Variants in NPAS3 observed in about 807,000 individuals in gnomAD.
NPAS3 encodes the protein neuronal PAS domain-containing protein 3.
In NPAS3, 14 loss-of-function variants were observed where a neutral mutation model predicts 73.1. The observed-to-expected ratio is 0.19, with a 90% CI of 0.13 to 0.30. The LOEUF is 0.30. Ranked by LOEUF, NPAS3 falls within the 10% of genes least tolerant of loss-of-function variation. The pLI, the probability that NPAS3 is intolerant of heterozygous loss-of-function variation, is 1.00. For missense variants in NPAS3, 1,096 were observed against 1,250.0 expected (o/e 0.88, Z 1.86); for synonymous variants, 620 against 541.5 (o/e 1.14, Z -2.01).
intron 2 of NPAS3, among the ~76,000 whole-genome samples, chr14:33,175,347 A>G (rs914450635): frequency 6.6e-6 from 1 of 152,194 alleles, no homozygotes; most frequent in Non-Finnish European, 1.5e-5. Flanking sequence ...AAATGTTACC[A>G]TTAAAAAAAT....
chr14:33,370,867 T>G (rs1239442946), intron 4 of NPAS3, among the ~76,000 whole-genome samples: 1 of 152,154 alleles, frequency 6.6e-6, no homozygotes, highest in Non-Finnish European at 1.5e-5. Flanking sequence ...TTCTACTACC[T>G]GAGAGAAGTC....
chr14:33,584,061 T>C (rs56127015), intron 5 of NPAS3, among the ~76,000 whole-genome samples: 35,299 of 152,148 alleles, frequency 0.23, 4,260 homozygotes, highest in South Asian at 0.3. Flanking sequence ...ATAGCAGCAG[T>C]ACCTTTGTCA....
At chr14:32,977,356 G>GCACGCACACACACACACA (rs71432100) in intron 1 of NPAS3, among the ~76,000 whole-genome samples, 12,065 of 141,408 alleles carry the variant, frequency 0.085, 699 homozygotes, top group Non-Finnish European at 0.13. Context: ...TCTCTGACAC[G>GCACGCACACACACACACA]CACACACACA....
intron 5 of NPAS3, among the ~76,000 whole-genome samples, chr14:33,561,959 T>C (rs1595158724): frequency 6.6e-6 from 1 of 152,250 alleles, no homozygotes; most frequent in Non-Finnish European, 1.5e-5. Flanking sequence ...CAGATGGCTC[T>C]GTATGCTTAG....
intron 2 of NPAS3, among the ~76,000 whole-genome samples, chr14:33,203,869 CT>C (rs2046718170): frequency 6.6e-6 from 1 of 152,140 alleles, no homozygotes; most frequent in African/African-American, 2.4e-5. Flanking sequence ...AATGGTATTT[CT>C]AGTTCTAGAT....
chr14:32,964,919 A>G (rs972474014), intron 1 of NPAS3, among the ~76,000 whole-genome samples: 2 of 152,130 alleles, frequency 1.3e-5, no homozygotes, highest in Non-Finnish European at 2.9e-5. Context: ...GCAGTGAGCT[A>G]TGATCACACC....
Position 33,370,047 on chromosome 14 carries a change from A to C in NPAS3, c.468+2779A>C, listed in dbSNP as rs78757844. On this transcript the variant is annotated intron_variant, in intron 4 of 11. Coordinates refer to ENST00000356141, the Ensembl canonical transcript of NPAS3. ...TTGATAAAAACCTGTGTGGTCAGCA[A>C]AGTAGTATAGGCATGATCTCCAACC... Among the ~76,000 whole-genome samples, 222 of 152,274 alleles carry C rather than the reference A, an allele frequency of 1.5e-3. 5 individuals carry two copies. In the East Asian group the frequency reaches 0.024, roughly 16 times the overall value.
At chr14:33,542,937 C>A (rs1241549958) in intron 4 of NPAS3, among the ~76,000 whole-genome samples, 1 of 152,156 alleles carries the variant, frequency 6.6e-6, no homozygotes, top group Non-Finnish European at 1.5e-5. Flanking sequence ...GTAGACAGAA[C>A]TGGACTTGGG....
intron 2 of NPAS3, among the ~76,000 whole-genome samples, chr14:33,089,018 C>T (rs963982366): frequency 7.3e-5 from 6 of 82,108 alleles, no homozygotes; most frequent in African/African-American, 4.5e-4. Context: ...ACCAAAACCC[C>T]ATCTGTAAGT....
At chr14:33,392,794 G>A (rs2047064600) in intron 4 of NPAS3, among the ~76,000 whole-genome samples, 1 of 152,084 alleles carries the variant, frequency 6.6e-6, no homozygotes, top group Non-Finnish European at 1.5e-5. Context: ...CCTCTACACA[G>A]TATTTTTCCT....
At chr14:33,663,864 T>C (rs1374054145) in intron 5 of NPAS3, among the ~76,000 whole-genome samples, 1 of 152,192 alleles carries the variant, frequency 6.6e-6, no homozygotes, top group Non-Finnish European at 1.5e-5. Context: ...TAGTTTGTAT[T>C]TCTGTGGGAT....
chr14:33,749,521 AT>A (rs1415301905), intron 7 of NPAS3, among the ~76,000 whole-genome samples: 1 of 152,186 alleles, frequency 6.6e-6, no homozygotes, highest in East Asian at 1.9e-4. Context: ...GGAATGTAAA[AT>A]ATTCTTGAAT....
intron 5 of NPAS3, among the ~76,000 whole-genome samples, chr14:33,627,073 T>G (rs2058242271): frequency 6.6e-6 from 1 of 152,104 alleles, no homozygotes; most frequent in Admixed American, 6.5e-5. Context: ...AATGACCATG[T>G]GAATTTTTAT....
intron 1 of NPAS3, among the ~76,000 whole-genome samples, chr14:32,941,053 T>C (rs962514054): frequency 1.3e-5 from 2 of 152,212 alleles, no homozygotes; most frequent in African/African-American, 4.8e-5. Context: ...TATCAGTGTT[T>C]CATGAAGAAT....
chr14:32,937,840 AC>A (rs1433882209), upstream of NPAS3, among the ~76,000 whole-genome samples: 2 of 152,126 alleles, frequency 1.3e-5, no homozygotes, highest in East Asian at 3.9e-4. Context: ...CACATGACTG[AC>A]CCAAGTCTCT....
chr14:33,707,737 T>G (rs1334670238), intron 6 of NPAS3, among the ~76,000 whole-genome samples: 1 of 151,968 alleles, frequency 6.6e-6, no homozygotes, highest in East Asian at 1.9e-4. Context: ...AACAAAGACA[T>G]CAAGGCAAAT....
At chr14:33,506,320 A>C (rs2052759523) in intron 4 of NPAS3, among the ~76,000 whole-genome samples, 1 of 152,040 alleles carries the variant, frequency 6.6e-6, no homozygotes, top group African/African-American at 2.4e-5. Flanking sequence ...TAACTACAGA[A>C]GCAGGAGGTA....
In NPAS3 at chr14:33,700,342, G is replaced by A. The variant is rs375616877; in HGVS notation, c.733+23957G>A. ...CAGAGCTCAACTCCCTTTGTGTGAT[G>A]TCAGTGCCTCCACCCTCCTGTGCCT... On this transcript the variant is annotated intron_variant, in intron 6 of 11. Coordinates refer to ENST00000356141, the Ensembl canonical transcript of NPAS3. Among the ~76,000 whole-genome samples the A allele has an allele frequency of 7.9e-5, 12 of 152,310 alleles. No individual in the cohort carries two copies. The East Asian group carries it at 1.4e-3, about 17-fold the overall frequency.
At chr14:33,508,666 AG>A (rs2052891759) in intron 4 of NPAS3, among the ~76,000 whole-genome samples, 1 of 152,072 alleles carries the variant, frequency 6.6e-6, no homozygotes, top group Non-Finnish European at 1.5e-5. Context: ...GCTTACAGCC[AG>A]GAAGGAGAGA....
Sources: gnomAD v4.1 joint callset for allele counts (sites outside exome capture counted in the v4.1 genomes callset) on GRCh38, gnomAD v4.1.1 for gene constraint, MANE v1.5 for transcripts, NCBI Gene and HGNC (gene_info 2026-07-23, HGNC 2026-07-21) for gene names.